Variants in IQCH observed in about 807,000 individuals in gnomAD.
IQCH encodes IQ domain-containing protein H.
A neutral mutation model predicts 117.0 loss-of-function variants in IQCH; 98 were observed. That is an observed-to-expected ratio of 0.84 (90% confidence interval 0.71 to 0.99). The LOEUF (loss-of-function observed/expected upper bound fraction) is 0.99. IQCH is among the 50% of genes least tolerant of loss of function. The pLI is 0.00. For missense variants in IQCH, 1,102 were observed against 1,243.8 expected (o/e 0.89, Z 1.72); for synonymous variants, 412 against 448.2 (o/e 0.92, Z 1.02).
At chr15:67,379,862 T>C (rs560344664) in intron 10 of IQCH, among the ~76,000 whole-genome samples, 6 of 152,026 alleles carry the variant, frequency 3.9e-5, no homozygotes, top group South Asian at 2.1e-4. Context: ...AGTTCTTTCT[T>C]TTTTTTTGAG....
intron 4 of IQCH, among the ~76,000 whole-genome samples, chr15:67,296,087 C>T (rs1007738214): frequency 6.6e-6 from 1 of 152,180 alleles, no homozygotes; most frequent in Non-Finnish European, 1.5e-5. Context: ...TGTCTGATTC[C>T]TCACATACCT....
intron 14 of IQCH, among the ~76,000 whole-genome samples, chr15:67,412,394 T>A (rs2081472517): frequency 6.6e-6 from 1 of 151,964 alleles, no homozygotes; most frequent in Non-Finnish European, 1.5e-5. Context: ...ATTTCACAAG[T>A]TGTTGTTGTC....
intron 4 of IQCH, among the ~76,000 whole-genome samples, chr15:67,293,143 T>A (rs1290828799): frequency 6.6e-6 from 1 of 152,202 alleles, no homozygotes; most frequent in Admixed American, 6.6e-5. Context: ...TGTTGTACAG[T>A]GAGTGTTGTA....
At chr15:67,329,586 C>T (rs948730771) in intron 4 of IQCH, among the ~76,000 whole-genome samples, 4 of 152,056 alleles carry the variant, frequency 2.6e-5, no homozygotes, top group Admixed American at 2.0e-4. Context: ...ATCCTCTCAC[C>T]TCACTCAGCC....
Position 67,386,747 on chromosome 15 carries a change from G to A in IQCH, c.1456+1728G>A, listed in dbSNP as rs1971119449. Among the ~76,000 whole-genome samples the A allele has an allele frequency of 6.6e-6, 1 of 152,054 alleles. No homozygotes were observed. The highest frequency in any genetic ancestry group is 6.6e-5 in the Admixed American group (1 of 15,258). ...AGATGAGTTCAGCAAGGAAGTGACT[G>A]ATTACTGACCAGCAATCAAAGAAAG... On this transcript the variant is annotated intron_variant, in intron 11 of 20. Coordinates refer to ENST00000335894, the MANE Select transcript of IQCH (RefSeq NM_001031715.3). The surrounding 1 kb of genome is among the most constrained non-coding windows in gnomAD (Gnocchi z 5.0).
At chr15:67,362,168 CACAT>C (rs1198855315) in intron 8 of IQCH, among the ~76,000 whole-genome samples, 4 of 142,062 alleles carry the variant, frequency 2.8e-5, no homozygotes, top group Admixed American at 7.2e-5. Context: ...CACACACACA[CACAT>C]ACACACGTAT....
intron 8 of IQCH, among the ~76,000 whole-genome samples, chr15:67,360,542 C>G (rs1970089476): frequency 1.3e-5 from 2 of 152,230 alleles, no homozygotes; most frequent in Admixed American, 1.3e-4. Flanking sequence ...CTTTCCTCCT[C>G]TGACAAATGA....
chr15:67,347,409 A>G (rs987184568), intron 6 of IQCH, among the ~76,000 whole-genome samples: 2 of 152,142 alleles, frequency 1.3e-5, no homozygotes, highest in African/African-American at 4.8e-5. Context: ...CTTTATGCCT[A>G]TAATGTTGAC....
At chr15:67,419,082 G>C (rs1224928665) in intron 15 of IQCH, among the ~76,000 whole-genome samples, 1 of 152,096 alleles carries the variant, frequency 6.6e-6, no homozygotes. Context: ...ACAAGCTAAG[G>C]CTTCACCTCT....
chr15:67,329,621 G>A (rs940326540), intron 4 of IQCH, among the ~76,000 whole-genome samples: 2 of 151,950 alleles, frequency 1.3e-5, no homozygotes, highest in Non-Finnish European at 1.5e-5. Context: ...GATTACAGGT[G>A]CATGCCCAGA....
At chr15:67,299,054 T>TA (rs1450087809) in intron 4 of IQCH, among the ~76,000 whole-genome samples, 22 of 145,620 alleles carry the variant, frequency 1.5e-4, no homozygotes, top group African/African-American at 5.4e-4. Context: ...ATGTGGCACT[T>TA]ACACACAATG....
Position 67,456,644 on chromosome 15 carries a change from G to A in IQCH, c.2506-8483G>A, listed in dbSNP as rs1203295839. On this transcript the variant is annotated intron_variant, in intron 16 of 20. Coordinates refer to ENST00000335894, the MANE Select transcript of IQCH (RefSeq NM_001031715.3). The surrounding 1 kb of genome is among the most constrained non-coding windows in gnomAD (Gnocchi z 5.1). ...GACATAACTGTATTAGTATTGTGTT[G>A]TATCTGACCGACATGTTCTATTTGG... is the stretch of plus-strand genomic sequence containing the variant. Among the ~76,000 whole-genome samples the A allele has an allele frequency of 6.6e-6, 1 of 152,124 alleles. No homozygotes were observed. Among genetic ancestry groups the A allele is most frequent in the Non-Finnish European group, 1.5e-5 (1 of 68,028 alleles).
In IQCH at chr15:67,494,294, C is replaced by G; in HGVS notation, c.2898C>G (p.Thr966=). Residue 966 remains threonine (T), a synonymous_variant, in exon 20 of 21, where the codon ACC becomes ACG. Coordinates refer to ENST00000335894, the MANE Select transcript of IQCH (RefSeq NM_001031715.3). The surrounding 1 kb of genome is among the most constrained non-coding windows in gnomAD (Gnocchi z 5.5). ...AGGATCTCCAGGGGGTCCTCATGACCTTTGCTCGCCATCTCTTCATCATCC... is the reference window on the plus strand; with the variant it reads ...AGGATCTCCAGGGGGTCCTCATGACGTTTGCTCGCCATCTCTTCATCATCC... ...IGEDLQGVLM[T]FARHLFIIHQ... is the part of the protein sequence containing the mutation. The G allele has an allele frequency of 1.9e-6, 3 of 1,613,046 alleles. No individual in the cohort carries two copies. Among genetic ancestry groups the G allele is most frequent in the Non-Finnish European group, 2.5e-6 (3 of 1,179,772 alleles).
intron 16 of IQCH, among the ~76,000 whole-genome samples, chr15:67,442,878 A>G (rs2082311637): frequency 6.7e-6 from 1 of 149,866 alleles, no homozygotes; most frequent in African/African-American, 2.5e-5. Flanking sequence ...ACATATATAT[A>G]TATATAAAAT....
rs1267625666 is a variant in IQCH, at chr15:67,472,566, C to T, written c.2677-3130C>T. Among the ~76,000 whole-genome samples the T allele has an allele frequency of 6.6e-6, 1 of 152,130 alleles. No individual in the cohort carries two copies. Among genetic ancestry groups the T allele is most frequent in the Non-Finnish European group, 1.5e-5 (1 of 68,022 alleles). On this transcript the variant is annotated intron_variant, in intron 17 of 20. Transcript: ENST00000335894. The surrounding 1 kb of genome is among the most constrained non-coding windows in gnomAD (Gnocchi z 4.3). ...CAAAATCCTTTCAAAGGAATGACAA[C>T]AAAAATAGTAGCTACCATTTATCAG...
At chr15:67,478,321 G>A (rs904510468) in intron 18 of IQCH, among the ~76,000 whole-genome samples, 1 of 151,932 alleles carries the variant, frequency 6.6e-6, no homozygotes, top group Admixed American at 6.6e-5. Flanking sequence ...GGAGGCAGAG[G>A]TTGCAGTGAG....
chr15:67,269,133 G>A (rs1435366428), intron 3 of IQCH, among the ~76,000 whole-genome samples: 2 of 152,072 alleles, frequency 1.3e-5, no homozygotes, highest in Admixed American at 1.3e-4. Flanking sequence ...AATGCCACTG[G>A]TAACTGATGA....
intron 4 of IQCH, among the ~76,000 whole-genome samples, chr15:67,291,523 G>T (rs774491200): frequency 5.3e-5 from 8 of 152,132 alleles, no homozygotes; most frequent in Non-Finnish European, 1.2e-4. Flanking sequence ...ATGTACATTT[G>T]TATCTAACCT....
Position 67,384,402 on chromosome 15 carries a change from G to T in IQCH, c.1373-534G>T, listed in dbSNP as rs994192533. Among the ~76,000 whole-genome samples the T allele has an allele frequency of 1.3e-5, 2 of 152,070 alleles. No individual in the cohort carries two copies. The highest frequency in any genetic ancestry group is 4.8e-5 in the African/African-American group (2 of 41,400). On this transcript the variant is annotated intron_variant, in intron 10 of 20. Transcript: ENST00000335894. The surrounding 1 kb of genome is among the most constrained non-coding windows in gnomAD (Gnocchi z 4.3). ...CAAAGTAACTGCATTAGCTCTTCTTGCCCTTTGAAAGTTAAAAGTTCTTGT... is the reference window on the plus strand; with the variant it reads ...CAAAGTAACTGCATTAGCTCTTCTTTCCCTTTGAAAGTTAAAAGTTCTTGT...
Sources: allele counts gnomAD v4.1 joint callset (sites outside exome capture counted in the v4.1 genomes callset), GRCh38; gene constraint gnomAD v4.1.1; non-coding constraint Gnocchi (gnomAD v3.1); transcripts MANE v1.5; gene names NCBI Gene and HGNC (gene_info 2026-07-23, HGNC 2026-07-21).